The following CHRM1 variants were observed in gnomAD, a reference collection of about 807,000 sequenced individuals.
The protein encoded by CHRM1 is muscarinic acetylcholine receptor M1.
A neutral mutation model predicts 31.6 loss-of-function variants in CHRM1; 5 were observed. The observed-to-expected ratio is 0.16, with a 90% CI of 0.08 to 0.33. CHRM1 has a LOEUF of 0.33. CHRM1 is among the 10% of genes least tolerant of loss of function. The pLI is 1.00. For missense variants in CHRM1, 338 were observed against 610.3 expected (o/e 0.55, Z 4.70); for synonymous variants, 227 against 249.7 (o/e 0.91, Z 0.86).
Position 62,913,325 on chromosome 11 carries a change from T to A in CHRM1, c.-78-2147A>T, listed in dbSNP as rs542931810. On this transcript the variant is annotated intron_variant, in intron 1 of 1. Coordinates refer to ENST00000306960, the MANE Select transcript of CHRM1 (RefSeq NM_000738.3). ...GCCCTGGCACATGGTAAACAGTAGGTCTCCTTTAACTCTCAGGATGTGTAG... is the reference window on the plus strand; with the variant it reads ...GCCCTGGCACATGGTAAACAGTAGGACTCCTTTAACTCTCAGGATGTGTAG... 3.9e-5 allele frequency among the ~76,000 whole-genome samples: 6 copies of A among 152,250 alleles called. No individual in the cohort carries two copies. The South Asian group carries it at 1.0e-3, about 26-fold the overall frequency.
rs1486171093 is a variant in CHRM1, at chr11:62,910,500, C to T, written c.601G>A (p.Val201Ile). 6.2e-7 allele frequency: 1 copy of T among 1,614,064 alleles called. No individual in the cohort carries two copies. Among genetic ancestry groups the T allele is most frequent in the Non-Finnish European group, 8.5e-7 (1 of 1,180,054 alleles). Residue 201 changes from valine to isoleucine, a missense_variant, in exon 2 of 2, where the codon GTC becomes ATC. Physicochemically the swap from Val to Ile is conservative, Grantham distance 29 (BLOSUM62 3). Around this residue, in one of 4 missense-constraint regions of CHRM1, gnomAD observed 85 missense variants for 257.7 expected, o/e 0.33. Coordinates refer to ENST00000306960, the MANE Select transcript of CHRM1 (RefSeq NM_000738.3). The surrounding 1 kb of genome is among the most constrained non-coding windows in gnomAD (Gnocchi z 8.7). Reference protein sequence around the residue: ...GTAMAAFYLPVTVMCTLYWRI... With the variant: ...GTAMAAFYLPITVMCTLYWRI... ...CAGTAGAGCGTGCACATGACTGTGACAGGGAGGTAGAAGGCAGCCATGGCT... is the reference window on the plus strand; with the variant it reads ...CAGTAGAGCGTGCACATGACTGTGATAGGGAGGTAGAAGGCAGCCATGGCT...
Position 62,909,486 on chromosome 11 carries a change from C to T in CHRM1, c.*232G>A. ...CCTTCTTCCTGGTGAAGAGCGCATT[C>T]CCACCCAGCAGGGAACAGAAAAACC... On this transcript the variant is annotated 3_prime_UTR_variant, in exon 2 of 2. Transcript: ENST00000306960. The T allele has an allele frequency of 1.8e-6, 1 of 569,888 alleles. No homozygotes were observed. The highest frequency in any genetic ancestry group is 3.1e-6 in the Non-Finnish European group (1 of 323,328). The allele number at this position is 569,888 out of a possible 1,614,324, so 35.3% of individuals were successfully genotyped here.
Position 62,909,371 on chromosome 11 carries a change from A to G in CHRM1, c.*347T>C. The G allele has an allele frequency of 3.6e-6, 1 of 275,844 alleles. No homozygotes were observed. The highest frequency in any genetic ancestry group is 6.8e-5 in the South Asian group (1 of 14,686). The allele number at this position is 275,844 out of a possible 1,614,324, so 17.1% of individuals were successfully genotyped here. Reference sequence around the variant, plus strand: ...GCTGGGCCAAGGAATACTTAATGTTAAGCCTTCTTTCTCCTGGCCCGCCCT... The same window carrying G: ...GCTGGGCCAAGGAATACTTAATGTTGAGCCTTCTTTCTCCTGGCCCGCCCT... On this transcript the variant is annotated 3_prime_UTR_variant, in exon 2 of 2. Coordinates refer to ENST00000306960, the MANE Select transcript of CHRM1 (RefSeq NM_000738.3).
At chr11:62,917,627 G>A (rs1002189616) in intron 1 of CHRM1, among the ~76,000 whole-genome samples, 3 of 152,092 alleles carry the variant, frequency 2.0e-5, no homozygotes, top group African/African-American at 7.2e-5. Context: ...GTGGAGGTGG[G>A]TCCATAGCTT....
In CHRM1 at chr11:62,910,310, C is replaced by T. The variant is rs751684030; in HGVS notation, c.791G>A (p.Arg264Gln). 1.6e-5 allele frequency: 26 copies of T among 1,611,532 alleles called. 1 individual carries two copies. The South Asian group carries it at 1.9e-4, about 12-fold the overall frequency. The change falls in exon 2 of 2, where the codon CGG becomes CAG. Residue 264 changes from arginine (R) to glutamine (Q), a missense_variant. By Grantham distance (43) the Arg-to-Gln change is conservative. This residue lies in a region of CHRM1 where 183 missense variants were observed against 223.4 expected (regional missense o/e 0.82). Transcript: ENST00000306960. This position sits in a 1 kb window ranked among gnomAD's most constrained non-coding sequence, Gnocchi z 8.7. ...GTAGGCCTGCAGCAGCCTGGGGGCCCGGCAGCAGCGACAGCAGCGGCCTGG... is the reference window on the plus strand; with the variant it reads ...GTAGGCCTGCAGCAGCCTGGGGGCCTGGCAGCAGCGACAGCAGCGGCCTGG... ...TPPGRCCRCC[R>Q]APRLLQAYSW...
intron 1 of CHRM1, among the ~76,000 whole-genome samples, chr11:62,912,918 T>C (rs1004388014): frequency 3.9e-5 from 6 of 152,248 alleles, no homozygotes; most frequent in African/African-American, 1.4e-4. Context: ...GACAGGCTGC[T>C]GTGATAGGTG....
chr11:62,911,711 C>G (rs768567633), intron 1 of CHRM1, among the ~76,000 whole-genome samples: 2 of 152,154 alleles, frequency 1.3e-5, no homozygotes, highest in African/African-American at 2.4e-5. Context: ...CAGCTGCAAG[C>G]CTTGGCCATG....
At chr11:62,912,270 A>C (rs538344114) in intron 1 of CHRM1, among the ~76,000 whole-genome samples, 2 of 148,988 alleles carry the variant, frequency 1.3e-5, no homozygotes, top group Non-Finnish European at 3.0e-5. Context: ...TGGGAGACTG[A>C]GGCAGGAGAA....
At position 62,911,084 on chromosome 11, in the gene CHRM1, G is replaced by A. The variant is rs540415934; in HGVS notation, c.17C>T (p.Pro6Leu). 3.3e-5 allele frequency: 54 copies of A among 1,613,900 alleles called. No homozygotes were observed. Among genetic ancestry groups the A allele is most frequent in the Non-Finnish European group, 4.5e-5 (53 of 1,179,958 alleles). The change falls in exon 2 of 2, where the codon CCA (proline) becomes CTA (leucine). Residue 6 changes from proline (P) to leucine (L), a missense_variant. Coordinates refer to ENST00000306960, the MANE Select transcript of CHRM1 (RefSeq NM_000738.3). MNTSA[P>L]PAVSPNITVL... ...GGTGATGTTGGGGCTGACAGCAGGTGGGGCTGAAGTGTTCATGGTGGCTAG... is the reference window on the plus strand; with the variant it reads ...GGTGATGTTGGGGCTGACAGCAGGTAGGGCTGAAGTGTTCATGGTGGCTAG...
At chr11:62,912,637 C>T (rs1300330282) in intron 1 of CHRM1, among the ~76,000 whole-genome samples, 1 of 152,238 alleles carries the variant, frequency 6.6e-6, no homozygotes, top group Admixed American at 6.5e-5. Flanking sequence ...CCCTTAACAA[C>T]CTGCTGGCTG....
In CHRM1 at chr11:62,910,733, C is replaced by T. The variant is rs2085866530; in HGVS notation, c.368G>A (p.Arg123His). 6.2e-7 allele frequency: 1 copy of T among 1,614,160 alleles called. No homozygotes were observed. Among genetic ancestry groups the T allele is most frequent in the South Asian group, 1.1e-5 (1 of 91,086 alleles). ...CAGGGGCCGAGTCACGGAGAAGTAGCGGTCAAAGCTGATGAGCAGCAGATT... is the reference window on the plus strand; with the variant it reads ...CAGGGGCCGAGTCACGGAGAAGTAGTGGTCAAAGCTGATGAGCAGCAGATT... ...VMNLLLISFD[R>H]YFSVTRPLSY... Residue 123 changes from arginine (R) to histidine (H), a missense_variant, in exon 2 of 2, where the codon CGC (arginine) becomes CAC (histidine). This residue lies in a region of CHRM1 where 85 missense variants were observed against 257.7 expected (regional missense o/e 0.33). Coordinates refer to ENST00000306960, the MANE Select transcript of CHRM1 (RefSeq NM_000738.3). This position sits in a 1 kb window ranked among gnomAD's most constrained non-coding sequence, Gnocchi z 8.7.
chr11:62,910,765 G>A lies in CHRM1; in HGVS notation c.336C>T (p.Ser112=), dbSNP rs139415935. Residue 112 remains serine, a synonymous_variant, in exon 2 of 2, where the codon TCC becomes TCT. Coordinates refer to ENST00000306960, the MANE Select transcript of CHRM1 (RefSeq NM_000738.3). This position sits in a 1 kb window ranked among gnomAD's most constrained non-coding sequence, Gnocchi z 8.7. ...LALDYVASNA[S]VMNLLLISFD... is the part of the protein sequence containing the mutation. ...AGCTGATGAGCAGCAGATTCATGACGGAGGCATTGCTGGCCACATAGTCCA... is the reference window on the plus strand; with the variant it reads ...AGCTGATGAGCAGCAGATTCATGACAGAGGCATTGCTGGCCACATAGTCCA... The A allele has an allele frequency of 1.7e-5, 28 of 1,614,180 alleles. No individual in the cohort carries two copies. Among genetic ancestry groups the A allele is most frequent in the African/African-American group, 1.6e-4 (12 of 75,038 alleles).
chr11:62,915,093 T>G lies in CHRM1; in HGVS notation c.-78-3915A>C, dbSNP rs181188256. Among the ~76,000 whole-genome samples, 1,230 of 146,190 alleles carry G rather than the reference T, an allele frequency of 8.4e-3. 12 individuals are homozygous for G. Among genetic ancestry groups the G allele is most frequent in the South Asian group, 0.036 (169 of 4,740 alleles). On this transcript the variant is annotated intron_variant, in intron 1 of 1. Coordinates refer to ENST00000306960, the MANE Select transcript of CHRM1 (RefSeq NM_000738.3). ...GGGAGGCTGAGGCAGGAGGATCACTTGAGCCCAGGAGGCAGAGGTTGCAGT... is the reference window on the plus strand; with the variant it reads ...GGGAGGCTGAGGCAGGAGGATCACTGGAGCCCAGGAGGCAGAGGTTGCAGT...
chr11:62,912,497 C>A (rs954650467), intron 1 of CHRM1, among the ~76,000 whole-genome samples: 13 of 152,162 alleles, frequency 8.5e-5, no homozygotes, highest in Admixed American at 8.5e-4. Flanking sequence ...GGCTTCCCTC[C>A]CTCTCCTGGC....
intron 1 of CHRM1, among the ~76,000 whole-genome samples, chr11:62,920,319 A>T (rs928978324): frequency 2.0e-5 from 3 of 152,102 alleles, no homozygotes; most frequent in African/African-American, 7.2e-5. Context: ...ACATGTCTGG[A>T]TGACCTAATG....
intron 1 of CHRM1, among the ~76,000 whole-genome samples, chr11:62,920,940 C>G (rs765582681): frequency 3.9e-5 from 6 of 152,102 alleles, no homozygotes; most frequent in African/African-American, 1.4e-4. Flanking sequence ...GGCCTCAGGT[C>G]CAGTTTCCTG....
Position 62,910,143 on chromosome 11 carries a change from G to T in CHRM1, c.958C>A (p.Arg320=), listed in dbSNP as rs749521197. The change falls in exon 2 of 2, where the codon CGG becomes AGG. Residue 320 remains arginine, a synonymous_variant. Transcript: ENST00000306960. The surrounding 1 kb of genome is among the most constrained non-coding windows in gnomAD (Gnocchi z 8.7). Reference sequence around the variant, plus strand: ...CTCTTGACTGTATTTGGGGAGCTCCGTGGGGGCTGCTTGGTGGGGGCCTGT... The same window carrying T: ...CTCTTGACTGTATTTGGGGAGCTCCTTGGGGGCTGCTTGGTGGGGGCCTGT... ...EAQAPTKQPP[R]SSPNTVKRPT... 1.9e-6 allele frequency: 3 copies of T among 1,607,196 alleles called. No homozygotes were observed. The highest frequency in any genetic ancestry group is 2.5e-6 in the Non-Finnish European group (3 of 1,176,736).
In CHRM1 at chr11:62,910,463, C is replaced by T. The variant is rs146879247; in HGVS notation, c.638G>A (p.Arg213Gln). The change falls in exon 2 of 2, where the codon CGG becomes CAG. Residue 213 changes from arginine (R) to glutamine (Q), a missense_variant. Physicochemically the swap from Arg to Gln is conservative, Grantham distance 43. Around this residue, in one of 4 missense-constraint regions of CHRM1, gnomAD observed 183 missense variants for 223.4 expected, o/e 0.82. Coordinates refer to ENST00000306960, the MANE Select transcript of CHRM1 (RefSeq NM_000738.3). The surrounding 1 kb of genome is among the most constrained non-coding windows in gnomAD (Gnocchi z 8.7). ...CTCCCGTGCTCGGTTCTCTGTCTCC[C>T]GGTAGATGCGCCAGTAGAGCGTGCA... ...VMCTLYWRIY[R>Q]ETENRARELA... 275 of 1,613,952 alleles carry T rather than the reference C, an allele frequency of 1.7e-4. No homozygotes were observed. Among genetic ancestry groups the T allele is most frequent in the South Asian group, 2.5e-4 (23 of 91,088 alleles).
In CHRM1 at chr11:62,910,282, G is replaced by T; in HGVS notation, c.819C>A (p.Ser273Arg). The T allele has an allele frequency of 6.2e-7, 1 of 1,613,172 alleles. No individual in the cohort carries two copies. The change falls in exon 2 of 2, where the codon AGC becomes AGA. Residue 273 changes from serine (S) to arginine (R), a missense_variant. Coordinates refer to ENST00000306960, the MANE Select transcript of CHRM1 (RefSeq NM_000738.3). The surrounding 1 kb of genome is among the most constrained non-coding windows in gnomAD (Gnocchi z 8.7). ...CGTCCTCTTCCTCTTCTTCCTTCCA[G>T]CTGTAGGCCTGCAGCAGCCTGGGGG... ...CRAPRLLQAY[S>R]WKEEEEEDEG...
Sources: gnomAD v4.1 joint callset for allele counts (sites outside exome capture counted in the v4.1 genomes callset) on GRCh38, gnomAD v4.1.1 for gene constraint, gnomAD v4.1.1 regional missense constraint, Gnocchi (gnomAD v3.1) non-coding constraint, MANE v1.5 for transcripts, NCBI Gene and HGNC (gene_info 2026-07-23, HGNC 2026-07-21) for gene names.